Variants in MTHFD1L observed in about 807,000 individuals in gnomAD.
The protein encoded by MTHFD1L is monofunctional C1-tetrahydrofolate synthase, mitochondrial.
In MTHFD1L, 81 loss-of-function variants were observed where a neutral mutation model predicts 119.5. The observed-to-expected ratio is 0.68, with a 90% CI of 0.57 to 0.82. MTHFD1L has a LOEUF of 0.82. Ranked by LOEUF, MTHFD1L falls within the 40% of genes least tolerant of loss-of-function variation. The probability of loss-of-function intolerance (pLI) is 0.00; values close to 1 mark genes in which losing one functional copy is unlikely to be tolerated. For synonymous variants in MTHFD1L, 430 were observed against 475.2 expected, an observed-to-expected ratio of 0.90 and a Z score of 1.24; for missense variants, 1,125 against 1,253.4, an observed-to-expected ratio of 0.90 and a Z score of 1.55.
chr6:150,960,977 T>A (rs1796350773), intron 18 of MTHFD1L, among the ~76,000 whole-genome samples: 1 of 152,204 alleles, frequency 6.6e-6, no homozygotes. Context: ...TGTGGTGCTT[T>A]CTGTAAAGCT....
chr6:150,873,175 C>T (rs559865160), intron 1 of MTHFD1L, among the ~76,000 whole-genome samples: 6 of 152,072 alleles, frequency 3.9e-5, no homozygotes, highest in Admixed American at 2.0e-4. Flanking sequence ...ATTAGTGGGA[C>T]GTGGTGGCAT....
chr6:150,941,633 G>C lies in MTHFD1L; in HGVS notation c.1441-2853G>C, dbSNP rs568643887. ...GCTGATGTTTGCAGGATTAGATGTT[G>C]GGGGTTAGAAAAGAGGAGGATTCAA... On this transcript the variant is annotated intron_variant, in intron 13 of 27. Coordinates refer to ENST00000367321, the MANE Select transcript of MTHFD1L (RefSeq NM_015440.5). 2.6e-5 allele frequency among the ~76,000 whole-genome samples: 4 copies of C among 152,286 alleles called. No homozygotes were observed. The South Asian group carries it at 8.3e-4, about 32-fold the overall frequency.
chr6:150,993,259 C>T (rs949962275), intron 20 of MTHFD1L, among the ~76,000 whole-genome samples: 3 of 152,084 alleles, frequency 2.0e-5, no homozygotes, highest in African/African-American at 7.2e-5. Flanking sequence ...ACCATTTCTT[C>T]ATTTGGCACA....
intron 26 of MTHFD1L, among the ~76,000 whole-genome samples, chr6:151,049,285 A>G (rs1788609598): frequency 6.6e-6 from 1 of 152,146 alleles, no homozygotes; most frequent in South Asian, 2.1e-4. Context: ...AGGTCAGGAG[A>G]TTGAGACCAT....
chr6:150,924,852 A>G (rs803456), intron 10 of MTHFD1L, among the ~76,000 whole-genome samples: 65,952 of 152,092 alleles, frequency 0.43, 15,490 homozygotes, highest in East Asian at 0.72. Context: ...GAAAAAAACT[A>G]TGGCCAGGAA....
At chr6:150,976,042 A>C (rs763936152) in intron 20 of MTHFD1L, among the ~76,000 whole-genome samples, 1 of 152,192 alleles carries the variant, frequency 6.6e-6, no homozygotes, top group Non-Finnish European at 1.5e-5. Flanking sequence ...TACTAAAAAT[A>C]CAAAAAAATT....
At chr6:151,015,398 T>C (rs2128491297) in intron 23 of MTHFD1L, 118 bp from the exon 24 acceptor site, 1 of 1,165,210 alleles carries the variant, frequency 8.6e-7, no homozygotes, top group Non-Finnish European at 1.2e-6. Context: ...GTGACCACTT[T>C]TGATGTTTAA....
intron 15 of MTHFD1L, 71 bp downstream of exon 15, chr6:150,945,612 T>G (rs1354255932): frequency 6.8e-7 from 1 of 1,466,978 alleles, no homozygotes; most frequent in African/African-American, 1.4e-5. Flanking sequence ...TGTCAAAGCC[T>G]GAAATTTTCA....
At chr6:151,021,373 C>T (rs1475788517) in intron 24 of MTHFD1L, among the ~76,000 whole-genome samples, 1 of 152,048 alleles carries the variant, frequency 6.6e-6, no homozygotes, top group African/African-American at 2.4e-5. Flanking sequence ...CATGGTGAAA[C>T]CCCATCTCTA....
chr6:150,958,176 G>A (rs1795917500), intron 17 of MTHFD1L, among the ~76,000 whole-genome samples: 1 of 152,158 alleles, frequency 6.6e-6, no homozygotes, highest in African/African-American at 2.4e-5. Flanking sequence ...GTAAAAAGGG[G>A]TTATAGTGTA....
At chr6:150,973,233 C>T (rs895215811) in intron 20 of MTHFD1L, among the ~76,000 whole-genome samples, 18 of 152,294 alleles carry the variant, frequency 1.2e-4, no homozygotes, top group Middle Eastern at 3.4e-3. Context: ...CTTGGCACTG[C>T]ATTTTATGCT....
At chr6:150,897,417 A>T (rs1784414690) in intron 7 of MTHFD1L, among the ~76,000 whole-genome samples, 1 of 152,196 alleles carries the variant, frequency 6.6e-6, no homozygotes, top group South Asian at 2.1e-4. Flanking sequence ...TAGATATAAT[A>T]GTATAAATGG....
chr6:150,985,547 G>A (rs528037206), intron 20 of MTHFD1L, among the ~76,000 whole-genome samples: 2 of 151,458 alleles, frequency 1.3e-5, no homozygotes, highest in South Asian at 4.2e-4. Flanking sequence ...TGTAATCCCA[G>A]CTACTTGGGG....
chr6:151,015,655 A>G lies in MTHFD1L; in HGVS notation c.2548A>G (p.Ser850Gly). The G allele has an allele frequency of 6.2e-7, 1 of 1,614,020 alleles. No individual in the cohort carries two copies. Among genetic ancestry groups the G allele is most frequent in the Non-Finnish European group, 8.5e-7 (1 of 1,179,996 alleles). The change falls in exon 24 of 28, where the codon AGT (serine) becomes GGT (glycine). Residue 850 changes from serine to glycine, a missense_variant. This residue lies in a region of MTHFD1L where 1,058 missense variants were observed against 1,151.2 expected (regional missense o/e 0.92). Coordinates refer to ENST00000367321, the MANE Select transcript of MTHFD1L (RefSeq NM_015440.5). ...DLARAVREAA[S>G]KRSRFQFLYD... is the part of the protein sequence containing the mutation. ...GGCTCGGGCTGTGAGAGAGGCTGCG[A>G]GTAAAAGAAGCCGATTCCAGTTCCT...
chr6:150,973,332 A>C (rs1227972285), intron 20 of MTHFD1L, among the ~76,000 whole-genome samples: 1 of 152,186 alleles, frequency 6.6e-6, no homozygotes, highest in Admixed American at 6.5e-5. Flanking sequence ...GGCTTGGTGG[A>C]GCTCCACTCC....
Position 151,076,753 on chromosome 6 carries a change from C to T in MTHFD1L, c.2848-15714C>T, listed in dbSNP as rs145038687. Among the ~76,000 whole-genome samples, 251 of 152,194 alleles carry T rather than the reference C, an allele frequency of 1.6e-3. 3 individuals are homozygous for T. Among genetic ancestry groups the T allele is most frequent in the African/African-American group, 5.6e-3 (231 of 41,514 alleles). On this transcript the variant is annotated intron_variant, in intron 26 of 27. Coordinates refer to ENST00000367321, the MANE Select transcript of MTHFD1L (RefSeq NM_015440.5). Reference sequence around the variant, plus strand: ...GTAGGAATATATAACAGTACCACCCCCTTGGAAATCAATTTGGGGTCGTTT... The same window carrying T: ...GTAGGAATATATAACAGTACCACCCTCTTGGAAATCAATTTGGGGTCGTTT...
At chr6:150,939,873 C>T (rs948239750) in intron 13 of MTHFD1L, among the ~76,000 whole-genome samples, 3 of 151,894 alleles carry the variant, frequency 2.0e-5, no homozygotes, top group South Asian at 2.1e-4. Flanking sequence ...TTAGTAGAGA[C>T]GGGGTTTCAC....
At chr6:151,045,925 C>A (rs1443718692) in intron 26 of MTHFD1L, among the ~76,000 whole-genome samples, 3 of 152,138 alleles carry the variant, frequency 2.0e-5, no homozygotes, top group Non-Finnish European at 4.4e-5. Context: ...TCCCTGTCTC[C>A]TCAGTGTGGT....
intron 11 of MTHFD1L, among the ~76,000 whole-genome samples, chr6:150,935,941 C>A (rs1791977289): frequency 1.3e-5 from 2 of 152,164 alleles, no homozygotes; most frequent in South Asian, 4.1e-4. Flanking sequence ...TTTTATGAGG[C>A]CTTACTTGGT....
Sources: gnomAD v4.1 joint callset for allele counts (sites outside exome capture counted in the v4.1 genomes callset) on GRCh38, gnomAD v4.1.1 for gene constraint, gnomAD v4.1.1 regional missense constraint, MANE v1.5 for transcripts, NCBI Gene and HGNC (gene_info 2026-07-23, HGNC 2026-07-21) for gene names.